The following CDC42BPA variants were observed in gnomAD, a reference collection of about 807,000 sequenced individuals.
CDC42BPA encodes serine/threonine-protein kinase MRCK alpha.
A neutral mutation model predicts 223.5 loss-of-function variants in CDC42BPA; 80 were observed. That is an observed-to-expected ratio of 0.36 (90% confidence interval 0.30 to 0.43). The LOEUF is 0.43. Ranked by LOEUF, CDC42BPA falls within the 20% of genes least tolerant of loss-of-function variation. CDC42BPA has a pLI of 1.00. For missense variants in CDC42BPA, 1,743 were observed against 2,099.9 expected (o/e 0.83, Z 3.32); for synonymous variants, 694 against 718.6 (o/e 0.97, Z 0.55).
intron 1 of CDC42BPA, among the ~76,000 whole-genome samples, chr1:227,310,973 A>G (rs996053264): frequency 6.6e-5 from 10 of 151,876 alleles, no homozygotes; most frequent in East Asian, 1.9e-4. Context: ...TTACAGGCGT[A>G]AACCACCGCA....
intron 35 of CDC42BPA, among the ~76,000 whole-genome samples, chr1:227,001,088 G>A (rs1346720719): frequency 6.6e-6 from 1 of 152,224 alleles, no homozygotes; most frequent in Non-Finnish European, 1.5e-5. Flanking sequence ...AGGAGGGAAG[G>A]AAGCATGGTG....
chr1:227,115,211 A>G (rs9426545), intron 12 of CDC42BPA, among the ~76,000 whole-genome samples: 10,529 of 152,094 alleles, frequency 0.069, 562 homozygotes, highest in East Asian at 0.26. Context: ...TGACAAACAG[A>G]AAAAAAGATA....
intron 21 of CDC42BPA, among the ~76,000 whole-genome samples, chr1:227,067,519 A>G (rs1259649204): frequency 6.6e-6 from 1 of 152,174 alleles, no homozygotes; most frequent in Non-Finnish European, 1.5e-5. Flanking sequence ...TATCATATTG[A>G]ATATTTTAAC....
In CDC42BPA at chr1:227,134,291, A is replaced by G. The variant is rs574799845; in HGVS notation, c.1391-5060T>C. On this transcript the variant is annotated intron_variant, in intron 10 of 36. Coordinates refer to ENST00000366766, the MANE Select transcript of CDC42BPA (RefSeq NM_001394014.1). ...AGGCCCTCTATCTTGGATAATTTCT[A>G]CTCTCCTCCTACTGTATGATTTTAC... 3.3e-5 allele frequency among the ~76,000 whole-genome samples: 5 copies of G among 151,844 alleles called. No homozygotes were observed. In the South Asian group the frequency reaches 1.0e-3, roughly 32 times the overall value.
chr1:227,305,852 G>A (rs186589041), intron 1 of CDC42BPA, among the ~76,000 whole-genome samples: 1 of 152,318 alleles, frequency 6.6e-6, no homozygotes, highest in Non-Finnish European at 1.5e-5. Flanking sequence ...TATAATCCCA[G>A]CTACTCGGGA....
intron 1 of CDC42BPA, among the ~76,000 whole-genome samples, chr1:227,299,304 T>C (rs764662232): frequency 7.9e-5 from 12 of 152,230 alleles, no homozygotes; most frequent in Non-Finnish European, 1.0e-4. Context: ...CAATCATCTT[T>C]GTATATCTGA....
intron 5 of CDC42BPA, among the ~76,000 whole-genome samples, chr1:227,187,654 T>A (rs1274639758): frequency 1.0e-4 from 9 of 88,860 alleles, no homozygotes; most frequent in Admixed American, 2.4e-4. Context: ...TCAAAAAATA[T>A]CAAGAAGGAT....
chr1:227,260,651 A>G (rs560603358), intron 1 of CDC42BPA, among the ~76,000 whole-genome samples: 1 of 151,170 alleles, frequency 6.6e-6, no homozygotes, highest in Non-Finnish European at 1.5e-5. Flanking sequence ...AAGGAGTAAG[A>G]TAAGGCCTGG....
chr1:227,254,944 G>A (rs897843047), intron 1 of CDC42BPA, among the ~76,000 whole-genome samples: 2 of 152,180 alleles, frequency 1.3e-5, no homozygotes, highest in African/African-American at 4.8e-5. Context: ...AGGCGAGGAA[G>A]TGAATTTGGG....
intron 5 of CDC42BPA, among the ~76,000 whole-genome samples, chr1:227,186,007 C>T (rs922727527): frequency 6.6e-6 from 1 of 152,174 alleles, no homozygotes; most frequent in African/African-American, 2.4e-5. Context: ...AAACTGTTGT[C>T]CCCAAATTGG....
intron 21 of CDC42BPA, among the ~76,000 whole-genome samples, chr1:227,064,769 C>T (rs978546900): frequency 2.6e-5 from 4 of 152,106 alleles, no homozygotes; most frequent in African/African-American, 9.7e-5. Context: ...TCTCAAGAGA[C>T]CACTTATCAA....
chr1:227,200,763 T>C (rs932577887), intron 3 of CDC42BPA, among the ~76,000 whole-genome samples: 8 of 152,340 alleles, frequency 5.3e-5, no homozygotes, highest in African/African-American at 1.7e-4. Context: ...CTCCACCATT[T>C]AGCCAATTGT....
intron 21 of CDC42BPA, among the ~76,000 whole-genome samples, chr1:227,056,048 T>C (rs1486471792): frequency 1.3e-5 from 2 of 151,820 alleles, no homozygotes; most frequent in East Asian, 1.9e-4. Context: ...TTTAAAAAGG[T>C]CCCCCCGCCG....
chr1:227,157,633 G>T (rs1042214971), intron 6 of CDC42BPA, among the ~76,000 whole-genome samples: 2 of 152,120 alleles, frequency 1.3e-5, no homozygotes, highest in Admixed American at 6.5e-5. Flanking sequence ...ATTTGGGAAG[G>T]TTGAGCCATT....
chr1:227,129,717 A>ATATATATATATATAT (rs1656668947), intron 10 of CDC42BPA, among the ~76,000 whole-genome samples: 2 of 146,480 alleles, frequency 1.4e-5, no homozygotes, highest in Non-Finnish European at 3.0e-5. Flanking sequence ...ATATATATAC[A>ATATATATATATATAT]AAAGAATCCA....
chr1:227,109,396 C>T (rs996394309), intron 14 of CDC42BPA, among the ~76,000 whole-genome samples: 12 of 151,926 alleles, frequency 7.9e-5, no homozygotes, highest in Admixed American at 1.3e-4. Flanking sequence ...GACAGAGTCT[C>T]ACTCTGTCAC....
At chr1:227,000,907 G>A (rs1234612925) in intron 35 of CDC42BPA, among the ~76,000 whole-genome samples, 1 of 152,120 alleles carries the variant, frequency 6.6e-6, no homozygotes, top group African/African-American at 2.4e-5. Context: ...ACTGTACTCA[G>A]GATACAGCCC....
chr1:227,059,473 GACT>G (rs1675344002), intron 21 of CDC42BPA: 1 of 1,377,398 alleles, frequency 7.3e-7, no homozygotes, highest in Non-Finnish European at 1.0e-6. Context: ...GACTCTCAAG[GACT>G]ACTATTGTAT....
chr1:227,016,033 TC>T (rs766754672), intron 34 of CDC42BPA, 46 bp downstream of exon 34: 68 of 937,514 alleles, frequency 7.3e-5, no homozygotes, highest in Non-Finnish European at 1.1e-4. Flanking sequence ...GTATTTATAC[TC>T]CCCCCACACC....
Sources: allele counts gnomAD v4.1 joint callset (sites outside exome capture counted in the v4.1 genomes callset), GRCh38; gene constraint gnomAD v4.1.1; transcripts MANE v1.5; gene names NCBI Gene and HGNC (gene_info 2026-07-23, HGNC 2026-07-21).